Variants in INTS15 observed in about 807,000 individuals in gnomAD.
The protein encoded by INTS15 is integrator complex subunit 15, also known as uncharacterized protein C7orf26.
chr7:6,605,887 C>T, the INTS15 span, among the ~76,000 whole-genome samples: 2 of 151,988 alleles, frequency 1.3e-5, no homozygotes, highest in Admixed American at 6.6e-5. Flanking sequence ...TTAATAGAGA[C>T]GGGTTTTCGC....
the INTS15 span, among the ~76,000 whole-genome samples, chr7:6,603,120 C>T: frequency 2.0e-5 from 3 of 151,278 alleles, no homozygotes; most frequent in Non-Finnish European, 4.4e-5. Context: ...CGTGGTGGTG[C>T]GCACCTGTAA....
the INTS15 span, among the ~76,000 whole-genome samples, chr7:6,599,485 T>C: frequency 6.6e-6 from 1 of 152,222 alleles, no homozygotes; most frequent in East Asian, 1.9e-4. Context: ...TGTGGCAGTG[T>C]GGGATAGAAA....
At chr7:6,607,834 C>T in the INTS15 span, 4 of 1,512,122 alleles carry the variant, frequency 2.6e-6, no homozygotes, top group East Asian at 2.5e-5. The surrounding 1 kb of genome is among the most constrained non-coding windows in gnomAD (Gnocchi z 6.0). Context: ...CCTGGACCCC[C>T]GGGTGGTCCG....
the INTS15 span, among the ~76,000 whole-genome samples, chr7:6,604,662 G>A: frequency 6.6e-6 from 1 of 152,188 alleles, no homozygotes; most frequent in African/African-American, 2.4e-5. Flanking sequence ...GCAGCAGAGC[G>A]CTGGGCAGCG....
chr7:6,593,329 G>GTTTTT, the INTS15 span, among the ~76,000 whole-genome samples: 1 of 130,838 alleles, frequency 7.6e-6, no homozygotes, highest in African/African-American at 2.9e-5. Context: ...CTGTGCGGTG[G>GTTTTT]TTTTTTTTTT....
At chr7:6,598,804 T>G in the INTS15 span, among the ~76,000 whole-genome samples, 2 of 140,084 alleles carry the variant, frequency 1.4e-5, no homozygotes, top group Non-Finnish European at 3.1e-5. Flanking sequence ...TTTTTTTTCC[T>G]GAGGCAGGAT....
chr7:6,599,824 T>G, the INTS15 span: 2 of 1,610,718 alleles, frequency 1.2e-6, 1 homozygote, highest in Non-Finnish European at 1.7e-6. Flanking sequence ...GGTCTTTGTT[T>G]GCAGATGACC....
chr7:6,593,938 G>A, the INTS15 span, among the ~76,000 whole-genome samples: 241 of 142,616 alleles, frequency 1.7e-3, 1 homozygote, highest in Middle Eastern at 4.8e-3. Context: ...GGCATGAGCC[G>A]CCGTGCCCAG....
At chr7:6,604,785 G>A in the INTS15 span, among the ~76,000 whole-genome samples, 4,748 of 152,278 alleles carry the variant, frequency 0.031, 103 homozygotes, top group Non-Finnish European at 0.049. Flanking sequence ...ACTCCCATCC[G>A]TGCCACACTC....
At chr7:6,605,821 C>T in the INTS15 span, among the ~76,000 whole-genome samples, 3 of 152,230 alleles carry the variant, frequency 2.0e-5, no homozygotes, top group East Asian at 5.8e-4. Context: ...GCCTCAGCCT[C>T]CCGGATAGCT....
At chr7:6,602,756 A>G in the INTS15 span, 1 of 471,116 alleles carries the variant, frequency 2.1e-6, no homozygotes, top group Non-Finnish European at 4.4e-6. Context: ...TCATCAGGTG[A>G]AAAGTGGGAA....
chr7:6,590,572 T>A, the INTS15 span: 2 of 1,396,688 alleles, frequency 1.4e-6, no homozygotes, highest in South Asian at 3.2e-5. Flanking sequence ...GGGCGCCCCA[T>A]GTCCAGGATC....
At chr7:6,597,597 C>T in the INTS15 span, among the ~76,000 whole-genome samples, 2 of 152,138 alleles carry the variant, frequency 1.3e-5, no homozygotes, top group East Asian at 3.8e-4. Flanking sequence ...ACCCGACCTA[C>T]CTTTTAAGTC....
the INTS15 span, among the ~76,000 whole-genome samples, chr7:6,597,207 C>A: frequency 6.6e-6 from 1 of 152,144 alleles, no homozygotes; most frequent in Non-Finnish European, 1.5e-5. Flanking sequence ...TTCCTAATTG[C>A]TGTTAACAGG....
chr7:6,592,272 A>G, the INTS15 span, among the ~76,000 whole-genome samples: 3 of 151,794 alleles, frequency 2.0e-5, no homozygotes, highest in African/African-American at 7.3e-5. Flanking sequence ...GTTTGTTTAA[A>G]TTATTTTTTT....
the INTS15 span, among the ~76,000 whole-genome samples, chr7:6,598,334 T>C: frequency 6.6e-6 from 1 of 152,074 alleles, no homozygotes; most frequent in Middle Eastern, 3.4e-3. Context: ...GCCAGTGTGG[T>C]GGCAGGCGCC....
chr7:6,599,862 T>C, the INTS15 span: 9 of 1,614,122 alleles, frequency 5.6e-6, no homozygotes, highest in Non-Finnish European at 7.6e-6. Context: ...TTGCTTGAAA[T>C]GATTGTCACC....
At chr7:6,601,649 C>T in the INTS15 span, among the ~76,000 whole-genome samples, 2 of 145,348 alleles carry the variant, frequency 1.4e-5, no homozygotes, top group African/African-American at 5.1e-5. Flanking sequence ...TCAGATTCTT[C>T]TTTTTTCTTT....
the INTS15 span, among the ~76,000 whole-genome samples, chr7:6,593,367 G>C: frequency 2.3e-5 from 3 of 131,614 alleles, no homozygotes; most frequent in African/African-American, 8.8e-5. Context: ...GTCTTTCTCT[G>C]TCGCCCAAGC....
Sources: allele counts gnomAD v4.1 joint callset (sites outside exome capture counted in the v4.1 genomes callset), GRCh38; gene constraint gnomAD v4.1.1; non-coding constraint Gnocchi (gnomAD v3.1); transcripts MANE v1.5; gene names NCBI Gene and HGNC (gene_info 2026-07-23, HGNC 2026-07-21).